The following MAST4 variants were observed in gnomAD, a reference collection of about 807,000 sequenced individuals.
The protein encoded by MAST4 is microtubule-associated serine/threonine-protein kinase 4.
In MAST4, 89 loss-of-function variants were observed where a neutral mutation model predicts 162.7. The ratio of observed to expected loss-of-function variants is 0.55; its 90% CI spans 0.46 to 0.65. The LOEUF (loss-of-function observed/expected upper bound fraction) is 0.65, where lower values mean the gene tolerates loss of function less well. MAST4 is among the 30% of genes least tolerant of loss of function. The pLI is 0.00. For missense variants in MAST4, 3,153 were observed against 3,374.0 expected (o/e 0.93, Z 1.62); for synonymous variants, 1,479 against 1,361.1 (o/e 1.09, Z -1.91).
chr5:66,636,209 G>A (rs1745112953), intron 1 of MAST4, among the ~76,000 whole-genome samples: 1 of 151,946 alleles, frequency 6.6e-6, no homozygotes, highest in South Asian at 2.1e-4. Flanking sequence ...GCCTGCCTCG[G>A]CCTCCCAAAG....
intron 3 of MAST4, among the ~76,000 whole-genome samples, chr5:66,803,531 A>C (rs11740234): frequency 0.3 from 44,941 of 151,940 alleles, 7,132 homozygotes; most frequent in Non-Finnish European, 0.35. Context: ...CTGTTTATTT[A>C]GGACTTTAAT....
chr5:66,751,517 T>C (rs1314389162), intron 1 of MAST4, among the ~76,000 whole-genome samples: 1 of 152,128 alleles, frequency 6.6e-6, no homozygotes, highest in Non-Finnish European at 1.5e-5. Flanking sequence ...CAGGAGCCGA[T>C]GTGATCAACT....
Position 67,163,108 on chromosome 5 carries a change from G to A in MAST4, c.3968-39G>A, listed in dbSNP as rs1193010826. On this transcript the variant is annotated intron_variant, in intron 28 of 28. Transcript: ENST00000403625. This position sits in a 1 kb window ranked among gnomAD's most constrained non-coding sequence, Gnocchi z 7.0. ...ACAACTGTGAAAAAAAGGGGAAAAT[G>A]ACCATGGATGCTCACAGCCTTCTGT... The A allele has an allele frequency of 6.4e-7, 1 of 1,563,560 alleles. No homozygotes were observed. Among genetic ancestry groups the A allele is most frequent in the South Asian group, 1.2e-5 (1 of 84,566 alleles).
chr5:67,051,733 G>T (rs911704487), intron 4 of MAST4, among the ~76,000 whole-genome samples: 1 of 152,126 alleles, frequency 6.6e-6, no homozygotes, highest in African/African-American at 2.4e-5. Flanking sequence ...ATGAAATGCT[G>T]TGTAAAGTGT....
chr5:66,653,329 A>C (rs930477303), intron 1 of MAST4, among the ~76,000 whole-genome samples: 6 of 152,102 alleles, frequency 3.9e-5, no homozygotes, highest in Non-Finnish European at 8.8e-5. Flanking sequence ...AGTGTTTGTT[A>C]CTTCTCTCTT....
Position 66,596,732 on chromosome 5 carries a change from C to T in MAST4, c.77C>T (p.Ser26Phe). The change falls in exon 1 of 29, where the codon TCT becomes TTT. Residue 26 changes from serine to phenylalanine, a missense_variant. Physicochemically the swap from Ser to Phe is radical, Grantham distance 155. Coordinates refer to ENST00000403625, the MANE Select transcript of MAST4 (RefSeq NM_001164664.2). ...GGCCACGGCAGCCGGACTCCAGCCT[C>T]TGCGCTGGTCGCCGCGTCCTCTCCG... ...CSGHGSRTPA[S>F]ALVAASSPGA... 1 of 1,415,786 alleles carries T rather than the reference C, an allele frequency of 7.1e-7. No individual in the cohort carries two copies. The highest frequency in any genetic ancestry group is 2.8e-5 in the East Asian group (1 of 36,078). The allele number at this position is 1,415,786 out of a possible 1,614,324, so 87.7% of individuals were successfully genotyped here.
intron 1 of MAST4, among the ~76,000 whole-genome samples, chr5:66,671,879 G>A (rs984098112): frequency 6.6e-6 from 1 of 152,008 alleles, no homozygotes; most frequent in Non-Finnish European, 1.5e-5. Flanking sequence ...TGGTGAGCCC[G>A]ACCAACTTTA....
intron 7 of MAST4, among the ~76,000 whole-genome samples, chr5:67,098,345 C>T (rs995573068): frequency 6.6e-6 from 1 of 152,098 alleles, no homozygotes; most frequent in African/African-American, 2.4e-5. Context: ...TGAAACATCA[C>T]AGTTTGCAGT....
intron 14 of MAST4, among the ~76,000 whole-genome samples, chr5:67,127,477 A>G (rs770290905): frequency 6.6e-6 from 1 of 152,228 alleles, no homozygotes; most frequent in Admixed American, 6.5e-5. Context: ...CCTTTTCTGC[A>G]TCTATTGAGA....
chr5:66,654,792 A>C (rs1352124129), intron 1 of MAST4, among the ~76,000 whole-genome samples: 1 of 152,146 alleles, frequency 6.6e-6, no homozygotes, highest in Non-Finnish European at 1.5e-5. Flanking sequence ...AATCACACAA[A>C]ATTAAATATG....
At chr5:67,122,074 G>A (rs1221756483) in intron 14 of MAST4, among the ~76,000 whole-genome samples, 1 of 152,134 alleles carries the variant, frequency 6.6e-6, no homozygotes, top group East Asian at 1.9e-4. Context: ...GCAGTAAACA[G>A]TGACAAGATT....
rs186713886 is a variant in MAST4 at position 66,909,846 on chromosome 5, A to G, written c.674+9864A>G. On this transcript the variant is annotated intron_variant, in intron 4 of 28. Transcript: ENST00000403625. ...CCACACCATTCTCATGGTGGTGAATAAGTCTCACAAGATCTAATGGTTTTA... is the reference window on the plus strand; with the variant it reads ...CCACACCATTCTCATGGTGGTGAATGAGTCTCACAAGATCTAATGGTTTTA... Among the ~76,000 whole-genome samples the G allele has an allele frequency of 1.6e-3, 243 of 152,308 alleles. 1 individual carries two copies. Among genetic ancestry groups the G allele is most frequent in the African/African-American group, 5.6e-3 (234 of 41,558 alleles).
At chr5:66,673,333 G>T (rs563768874) in intron 1 of MAST4, among the ~76,000 whole-genome samples, 1 of 151,570 alleles carries the variant, frequency 6.6e-6, no homozygotes, top group African/African-American at 2.4e-5. Flanking sequence ...GTTTTTTTGC[G>T]GATTCTTAGC....
At chr5:67,127,885 T>G (rs1768454479) in intron 14 of MAST4, among the ~76,000 whole-genome samples, 1 of 152,240 alleles carries the variant, frequency 6.6e-6, no homozygotes, top group African/African-American at 2.4e-5. Context: ...CATTTCAATT[T>G]AACCTAAATA....
chr5:66,729,651 A>G (rs1751722961), intron 1 of MAST4, among the ~76,000 whole-genome samples: 1 of 152,138 alleles, frequency 6.6e-6, no homozygotes. Context: ...GACTTGCATA[A>G]TGTTCTGGGA....
chr5:66,628,340 C>CT (rs34307265), intron 1 of MAST4, among the ~76,000 whole-genome samples: 45,817 of 136,110 alleles, frequency 0.34, 7,543 homozygotes, highest in Admixed American at 0.47. Context: ...GACTTTTTTT[C>CT]TTTTTTTTTT....
intron 1 of MAST4, among the ~76,000 whole-genome samples, chr5:66,749,263 CT>C (rs769904960): frequency 4.6e-5 from 7 of 152,116 alleles, no homozygotes; most frequent in Non-Finnish European, 7.4e-5. Flanking sequence ...AGAGAGGTAG[CT>C]TGCCCAGGAC....
At chr5:66,857,772 T>C (rs1230598165) in intron 3 of MAST4, among the ~76,000 whole-genome samples, 1 of 152,180 alleles carries the variant, frequency 6.6e-6, no homozygotes, top group Non-Finnish European at 1.5e-5. Flanking sequence ...ATATTAGAAA[T>C]ATCTTATTTC....
At chr5:66,960,961 CCTT>C (rs1745941941) in intron 4 of MAST4, among the ~76,000 whole-genome samples, 1 of 152,164 alleles carries the variant, frequency 6.6e-6, no homozygotes, top group Non-Finnish European at 1.5e-5. Flanking sequence ...CACGCCCCCT[CCTT>C]CTATCCTCTT....
Sources: gnomAD v4.1 joint callset for allele counts (sites outside exome capture counted in the v4.1 genomes callset) on GRCh38, gnomAD v4.1.1 for gene constraint, Gnocchi (gnomAD v3.1) non-coding constraint, MANE v1.5 for transcripts, NCBI Gene and HGNC (gene_info 2026-07-23, HGNC 2026-07-21) for gene names.